The following GTF2F2 variants were observed in gnomAD, a reference collection of about 807,000 sequenced individuals.
GTF2F2 encodes the protein general transcription factor IIF subunit 2.
A neutral mutation model predicts 42.2 loss-of-function variants in GTF2F2; 23 were observed. The ratio of observed to expected loss-of-function variants is 0.55; its 90% CI spans 0.39 to 0.77. The LOEUF (loss-of-function observed/expected upper bound fraction) is 0.77, where lower values mean the gene tolerates loss of function less well. Among genes scored for constraint, GTF2F2 ranks in the 30% least tolerant of loss-of-function variants. The pLI, the probability that GTF2F2 is intolerant of heterozygous loss-of-function variation, is 0.00. For missense variants in GTF2F2, 261 were observed against 287.2 expected (o/e 0.91, Z 0.66); for synonymous variants, 105 against 100.8 (o/e 1.04, Z -0.25).
At chr13:45,135,294 T>C (rs1412481111) in intron 1 of GTF2F2, among the ~76,000 whole-genome samples, 1 of 151,698 alleles carries the variant, frequency 6.6e-6, no homozygotes, top group Non-Finnish European at 1.5e-5. Context: ...CTTTATTTAT[T>C]TTTTTGAGAC....
At chr13:45,193,733 GT>G in intron 4 of GTF2F2, 1 of 1,511,348 alleles carries the variant, frequency 6.6e-7, no homozygotes. Flanking sequence ...TGATGCTGTG[GT>G]TTTCCGAAGC....
chr13:45,177,457 C>T (rs1871937522), intron 4 of GTF2F2, among the ~76,000 whole-genome samples: 1 of 152,160 alleles, frequency 6.6e-6, no homozygotes, highest in Non-Finnish European at 1.5e-5. Flanking sequence ...ATGATGAACT[C>T]TCGGGCCATC....
chr13:45,132,534 C>G (rs1048148290), intron 1 of GTF2F2, among the ~76,000 whole-genome samples: 4 of 151,554 alleles, frequency 2.6e-5, no homozygotes, highest in African/African-American at 9.7e-5. Context: ...TGAGAGAAGA[C>G]AGAAGTTATA....
chr13:45,123,071 TC>T (rs1440726809), intron 1 of GTF2F2: 1 of 151,498 alleles, frequency 6.6e-6, no homozygotes, highest in Non-Finnish European at 1.5e-5. Context: ...CAGAGTGACA[TC>T]CTGTCTCAAA....
chr13:45,133,598 A>G (rs1886192), intron 1 of GTF2F2, among the ~76,000 whole-genome samples: 145,525 of 152,292 alleles, frequency 0.96, 69,607 homozygotes, highest in East Asian at 1. Flanking sequence ...GTCATAAACC[A>G]TCTGAGCAGG....
rs746742188 is a variant in GTF2F2 at position 45,151,802 on chromosome 13, C to T, written c.275C>T (p.Thr92Ile). Residue 92 changes from threonine to isoleucine, a missense_variant, in exon 4 of 8, where the codon ACA becomes ATA. Thr to Ile is a moderately conservative substitution (Grantham distance 89). Coordinates refer to ENST00000340473, the MANE Select transcript of GTF2F2 (RefSeq NM_004128.3). The stretch of plus-strand genomic sequence containing the variant: ...GTCTTGCAAAGTGTTGGAGGACAGA[C>T]ATTAACAGTATTTACTGAGAGCTCA... The part of the protein sequence containing the change: ...PFVLQSVGGQ[T>I]LTVFTESSSD... 2.6e-6 allele frequency: 4 copies of T among 1,532,444 alleles called. No individual in the cohort carries two copies. Among genetic ancestry groups the T allele is most frequent in the Admixed American group, 1.9e-5 (1 of 53,490 alleles). 94.9% of individuals were successfully genotyped at this position (1,532,444 alleles called of 1,614,324 possible). A position where few individuals can be genotyped will look rare whatever the true frequency, so the allele number is the denominator to read the frequency against.
chr13:45,170,956 C>T (rs758980576), intron 4 of GTF2F2, among the ~76,000 whole-genome samples: 2 of 151,474 alleles, frequency 1.3e-5, no homozygotes, highest in Non-Finnish European at 2.9e-5. Flanking sequence ...TGGTAACAGA[C>T]AGTTGGCTCA....
intron 5 of GTF2F2, among the ~76,000 whole-genome samples, chr13:45,216,204 C>T (rs1873880279): frequency 1.3e-5 from 2 of 152,136 alleles, no homozygotes; most frequent in Middle Eastern, 3.4e-3. Flanking sequence ...GGCAACAGAG[C>T]GAGACCCTGT....
At chr13:45,136,169 AG>A (rs931351455) in intron 1 of GTF2F2, among the ~76,000 whole-genome samples, 11 of 152,240 alleles carry the variant, frequency 7.2e-5, no homozygotes, top group Non-Finnish European at 4.4e-5. Context: ...TGGGGGTAAT[AG>A]TACCTGTTCC....
intron 7 of GTF2F2, among the ~76,000 whole-genome samples, chr13:45,277,889 C>G (rs1053724266): frequency 6.6e-6 from 1 of 152,186 alleles, no homozygotes; most frequent in Non-Finnish European, 1.5e-5. Context: ...AATATTCAGT[C>G]TCACCATTTT....
At chr13:45,234,061 G>A (rs181876400) in intron 5 of GTF2F2, among the ~76,000 whole-genome samples, 13 of 152,246 alleles carry the variant, frequency 8.5e-5, no homozygotes, top group Admixed American at 2.0e-4. Context: ...CATAAGCAAC[G>A]CAGATCATCA....
At chr13:45,244,601 T>G (rs1343761911) in intron 5 of GTF2F2, among the ~76,000 whole-genome samples, 1 of 152,244 alleles carries the variant, frequency 6.6e-6, no homozygotes, top group Non-Finnish European at 1.5e-5. Flanking sequence ...GACTGTTTCC[T>G]TATAATAGTA....
intron 5 of GTF2F2, among the ~76,000 whole-genome samples, chr13:45,233,828 A>G (rs550895168): frequency 6.6e-6 from 1 of 152,206 alleles, no homozygotes; most frequent in South Asian, 2.1e-4. Flanking sequence ...TGGGAGGATC[A>G]CTTGAGCCCA....
intron 4 of GTF2F2, among the ~76,000 whole-genome samples, chr13:45,175,851 C>T (rs1390518963): frequency 1.3e-5 from 2 of 152,018 alleles, no homozygotes; most frequent in Non-Finnish European, 2.9e-5. Context: ...CTCGAACTCC[C>T]GACATCAGGT....
intron 5 of GTF2F2, among the ~76,000 whole-genome samples, chr13:45,228,728 C>T (rs868535754): frequency 1.4e-5 from 2 of 138,500 alleles, no homozygotes; most frequent in Admixed American, 7.5e-5. Context: ...TGGAGTGCAA[C>T]GGCATGATCT....
intron 5 of GTF2F2, among the ~76,000 whole-genome samples, chr13:45,214,240 AT>A (rs1469650336): frequency 6.6e-6 from 1 of 152,220 alleles, no homozygotes; most frequent in East Asian, 1.9e-4. Flanking sequence ...AATTAGCCAG[AT>A]GTTATGAGAA....
intron 7 of GTF2F2, among the ~76,000 whole-genome samples, chr13:45,278,855 G>C (rs563136728): frequency 6.1e-5 from 5 of 81,796 alleles, no homozygotes; most frequent in Non-Finnish European, 1.1e-4. Flanking sequence ...GTGGAATCTT[G>C]CTCTGTTGCC....
At chr13:45,261,800 T>C (rs1357842438) in intron 6 of GTF2F2, among the ~76,000 whole-genome samples, 1 of 152,224 alleles carries the variant, frequency 6.6e-6, no homozygotes, top group African/African-American at 2.4e-5. Context: ...TTCTCCTAAA[T>C]AGAATAGTTC....
intron 4 of GTF2F2, chr13:45,194,168 G>A: frequency 6.2e-7 from 1 of 1,614,092 alleles, no homozygotes; most frequent in Non-Finnish European, 8.5e-7. Flanking sequence ...GGTGTTAGCT[G>A]TTCTTTCTCC....
Sources: gnomAD v4.1 joint callset for allele counts (sites outside exome capture counted in the v4.1 genomes callset) on GRCh38, gnomAD v4.1.1 for gene constraint, MANE v1.5 for transcripts, NCBI Gene and HGNC (gene_info 2026-07-23, HGNC 2026-07-21) for gene names.